Variants in LINGO2 observed in about 807,000 individuals in gnomAD.
LINGO2 encodes the protein leucine-rich repeat and immunoglobulin-like domain-containing nogo receptor-interacting protein 2.
A neutral mutation model predicts 30.6 loss-of-function variants in LINGO2; 14 were observed. That is an observed-to-expected ratio of 0.46 (90% CI 0.30 to 0.72). The LOEUF (loss-of-function observed/expected upper bound fraction) is 0.72. Ranked by LOEUF, LINGO2 falls within the 30% of genes least tolerant of loss-of-function variation. The pLI, the probability that LINGO2 is intolerant of heterozygous loss-of-function variation, is 0.07. For synonymous variants in LINGO2, 317 were observed against 288.5 expected (o/e 1.10, Z -1.00); for missense variants, 729 against 751.7 (o/e 0.97, Z 0.35).
chr9:28,017,593 TCAAGAA>T (rs1157362537), intron 4 of LINGO2, among the ~76,000 whole-genome samples: 2 of 152,074 alleles, frequency 1.3e-5, no homozygotes, highest in Non-Finnish European at 2.9e-5. Context: ...GAGAGCCAAA[TCAAGAA>T]CACAGTCCCT....
the LINGO2 span, among the ~76,000 whole-genome samples, chr9:28,937,557 G>A: frequency 6.6e-6 from 1 of 152,120 alleles, no homozygotes; most frequent in African/African-American, 2.4e-5. Context: ...CAATAGGGTG[G>A]CAGCCTCACT....
At chr9:29,118,298 A>G in the LINGO2 span, among the ~76,000 whole-genome samples, 1 of 152,144 alleles carries the variant, frequency 6.6e-6, no homozygotes, top group African/African-American at 2.4e-5. Flanking sequence ...GCAACAAACT[A>G]TGTGAATTTA....
intron 1 of LINGO2, among the ~76,000 whole-genome samples, chr9:28,645,143 A>G (rs985704985): frequency 6.6e-6 from 1 of 152,112 alleles, no homozygotes; most frequent in African/African-American, 2.4e-5. Flanking sequence ...TTCTAGGTTT[A>G]TATACTATAC....
chr9:28,581,144 T>C (rs1824237451), intron 1 of LINGO2, among the ~76,000 whole-genome samples: 2 of 151,990 alleles, frequency 1.3e-5, no homozygotes, highest in African/African-American at 2.4e-5. Context: ...GATCTTGTAA[T>C]GAACTTTAGA....
intron 4 of LINGO2, among the ~76,000 whole-genome samples, chr9:28,181,966 T>C (rs1266197214): frequency 6.6e-6 from 1 of 152,084 alleles, no homozygotes; most frequent in Admixed American, 6.6e-5. Flanking sequence ...CAAACTACTT[T>C]AAATTTCATA....
the LINGO2 span, among the ~76,000 whole-genome samples, chr9:28,749,716 T>C: frequency 6.6e-6 from 1 of 152,014 alleles, no homozygotes; most frequent in Non-Finnish European, 1.5e-5. Flanking sequence ...TCCTACAAAA[T>C]GCAAAGTACT....
the LINGO2 span, among the ~76,000 whole-genome samples, chr9:28,791,088 A>C: frequency 2.0e-4 from 30 of 152,292 alleles, no homozygotes; most frequent in Non-Finnish European, 3.5e-4. Context: ...ATGTATGTAT[A>C]AAATAAATTA....
the LINGO2 span, among the ~76,000 whole-genome samples, chr9:28,719,662 T>A: frequency 6.6e-6 from 1 of 152,044 alleles, no homozygotes; most frequent in Admixed American, 6.6e-5. Context: ...AATTCATTCT[T>A]CTTCTCATTA....
chr9:28,222,692 C>T (rs998190014), intron 4 of LINGO2, among the ~76,000 whole-genome samples: 1 of 152,058 alleles, frequency 6.6e-6, no homozygotes, highest in African/African-American at 2.4e-5. Context: ...CAAATGCGCA[C>T]AAAACACTGA....
intron 1 of LINGO2, among the ~76,000 whole-genome samples, chr9:28,515,381 T>C (rs545930687): frequency 6.6e-6 from 1 of 152,222 alleles, no homozygotes; most frequent in Non-Finnish European, 1.5e-5. Flanking sequence ...TAATTTTTTG[T>C]ATTTTTAGTA....
the LINGO2 span, among the ~76,000 whole-genome samples, chr9:28,869,290 A>T: frequency 1.3e-5 from 2 of 152,026 alleles, no homozygotes; most frequent in Admixed American, 6.6e-5. Context: ...GTACAGCCAT[A>T]ACTGTAATGA....
chr9:28,969,034 T>TG, the LINGO2 span, among the ~76,000 whole-genome samples: 3 of 152,212 alleles, frequency 2.0e-5, no homozygotes, highest in African/African-American at 4.8e-5. Context: ...TAGTTATATG[T>TG]AAATTTTTTT....
At chr9:28,578,856 G>C (rs1336933547) in intron 1 of LINGO2, among the ~76,000 whole-genome samples, 1 of 152,092 alleles carries the variant, frequency 6.6e-6, no homozygotes, top group Non-Finnish European at 1.5e-5. Flanking sequence ...TTTAAATGCA[G>C]ATGTAGCCTG....
the LINGO2 span, among the ~76,000 whole-genome samples, chr9:28,801,610 G>A: frequency 6.6e-6 from 1 of 152,192 alleles, no homozygotes; most frequent in African/African-American, 2.4e-5. Flanking sequence ...CCGCCTCACT[G>A]TGTAATCTCC....
chr9:28,606,339 G>A (rs541452707), intron 1 of LINGO2, among the ~76,000 whole-genome samples: 5 of 152,082 alleles, frequency 3.3e-5, no homozygotes, highest in African/African-American at 1.2e-4. Flanking sequence ...TCTACCTGCT[G>A]GTGAGTGAGC....
At chr9:28,137,141 G>A (rs923569455) in intron 4 of LINGO2, among the ~76,000 whole-genome samples, 1 of 151,506 alleles carries the variant, frequency 6.6e-6, no homozygotes, top group African/African-American at 2.4e-5. Context: ...ATAATCTTGT[G>A]AGCCAATACC....
At position 28,345,046 on chromosome 9, in the gene LINGO2, A is replaced by C. The variant is rs967248148; in HGVS notation, c.-246+27790T>G. Among the ~76,000 whole-genome samples, 44 of 151,948 alleles carry C rather than the reference A, an allele frequency of 2.9e-4. 1 individual carries two copies. Among genetic ancestry groups the C allele is most frequent in the Admixed American group, 6.6e-5 (1 of 15,214 alleles). ...AAAATCTGGCATCATTCCCTTTGAT[A>C]GTGTCTTATCTTTGTGAAGCTCGGC... On this transcript the variant is annotated intron_variant, in intron 3 of 5. Coordinates refer to ENST00000379992, the Ensembl canonical transcript of LINGO2.
At chr9:28,814,625 C>T in the LINGO2 span, among the ~76,000 whole-genome samples, 10 of 152,052 alleles carry the variant, frequency 6.6e-5, no homozygotes, top group South Asian at 2.1e-4. Flanking sequence ...TGGTGGCTCA[C>T]GCCTGTAATC....
intron 4 of LINGO2, among the ~76,000 whole-genome samples, chr9:28,168,436 C>A (rs1828492650): frequency 6.6e-6 from 1 of 152,170 alleles, no homozygotes; most frequent in South Asian, 2.1e-4. Flanking sequence ...GTTTCCTTTG[C>A]CCTCCAATCT....
Sources: gnomAD v4.1 joint callset for allele counts (sites outside exome capture counted in the v4.1 genomes callset) on GRCh38, gnomAD v4.1.1 for gene constraint, MANE v1.5 for transcripts, NCBI Gene and HGNC (gene_info 2026-07-23, HGNC 2026-07-21) for gene names.